Variants in DLG1 observed in about 807,000 individuals in gnomAD.
DLG1 encodes the protein disks large homolog 1.
Under a neutral mutation model 123.4 loss-of-function variants are expected in DLG1, and 42 were observed. That is an observed-to-expected ratio of 0.34 (90% CI 0.27 to 0.44). The LOEUF is 0.44. Among genes scored for constraint, DLG1 ranks in the 20% least tolerant of loss-of-function variants. The probability of loss-of-function intolerance (pLI) is 1.00; values close to 1 mark genes in which losing one functional copy is unlikely to be tolerated. For missense variants in DLG1, 942 were observed against 1,082.6 expected (o/e 0.87, Z 1.82); for synonymous variants, 317 against 356.2 (o/e 0.89, Z 1.24).
chr3:197,062,633 T>C (rs907208932), intron 22 of DLG1, among the ~76,000 whole-genome samples: 1 of 152,192 alleles, frequency 6.6e-6, no homozygotes, highest in Non-Finnish European at 1.5e-5. Context: ...TACAGGCTTA[T>C]CTCACACTTT....
rs75795739 is a variant in DLG1 at position 197,174,610 on chromosome 3, T to C, written c.483+19815A>G. ...AAGCAATTAATTCTTAATATTGATA[T>C]GCATCTTGTTTGTTTTCTTTCTATC... is the stretch of plus-strand genomic sequence containing the variant. On this transcript the variant is annotated intron_variant, in intron 5 of 24. Coordinates refer to ENST00000667157, the MANE Select transcript of DLG1 (RefSeq NM_001366207.1). Among the ~76,000 whole-genome samples the C allele has an allele frequency of 2.0e-3, 310 of 152,342 alleles. 8 individuals are homozygous for C. In the East Asian group the frequency reaches 0.026, roughly 13 times the overall value.
chr3:197,076,115 A>C (rs915545732), intron 18 of DLG1, among the ~76,000 whole-genome samples: 6 of 152,192 alleles, frequency 3.9e-5, no homozygotes, highest in Non-Finnish European at 7.4e-5. Context: ...AAAATTTTAG[A>C]CCATTTCTTG....
chr3:197,055,927 G>C (rs1307914030), intron 23 of DLG1, among the ~76,000 whole-genome samples: 4 of 152,204 alleles, frequency 2.6e-5, no homozygotes, highest in Non-Finnish European at 4.4e-5. Flanking sequence ...TCAGAGCAAA[G>C]ATTCCTGCTA....
chr3:197,067,898 C>T (rs551102572), intron 19 of DLG1, among the ~76,000 whole-genome samples: 98 of 152,206 alleles, frequency 6.4e-4, no homozygotes, highest in African/African-American at 2.3e-3. Context: ...CACATCCCCC[C>T]TCACCCCCAC....
At chr3:197,275,656 C>A (rs1766063209) in intron 4 of DLG1, among the ~76,000 whole-genome samples, 1 of 152,170 alleles carries the variant, frequency 6.6e-6, no homozygotes, top group Non-Finnish European at 1.5e-5. Context: ...AGGCAAATAT[C>A]ACATGTTGTC....
intron 4 of DLG1, among the ~76,000 whole-genome samples, chr3:197,217,597 C>T (rs1734765273): frequency 6.6e-6 from 1 of 151,906 alleles, no homozygotes; most frequent in African/African-American, 2.4e-5. Context: ...GAATAATACT[C>T]AACAATTAAA....
At chr3:197,289,144 G>GA (rs1773557666) in intron 3 of DLG1, among the ~76,000 whole-genome samples, 2 of 151,804 alleles carry the variant, frequency 1.3e-5, no homozygotes, top group African/African-American at 2.4e-5. Flanking sequence ...TCCACTAGAG[G>GA]AAAAAAAACA....
At chr3:197,053,764 C>T (rs1160152997) in intron 23 of DLG1, among the ~76,000 whole-genome samples, 1 of 121,002 alleles carries the variant, frequency 8.3e-6, no homozygotes, top group African/African-American at 3.5e-5. Context: ...ACAGAGTAGA[C>T]CCTGTCTCAT....
At chr3:197,236,166 A>G (rs1745856365) in intron 4 of DLG1, among the ~76,000 whole-genome samples, 1 of 152,066 alleles carries the variant, frequency 6.6e-6, no homozygotes, top group Non-Finnish European at 1.5e-5. Flanking sequence ...GTAAAAAATC[A>G]GCTGGGTGTG....
At chr3:197,054,713 C>T (rs541819098) in intron 23 of DLG1, among the ~76,000 whole-genome samples, 13 of 151,498 alleles carry the variant, frequency 8.6e-5, no homozygotes, top group Non-Finnish European at 1.8e-4. Flanking sequence ...GGTGTGATCT[C>T]GGCTCACTGC....
intron 23 of DLG1, 72 bp downstream of exon 23, chr3:197,059,817 G>T: frequency 1.1e-6 from 1 of 934,378 alleles, no homozygotes; most frequent in Non-Finnish European, 1.7e-6. Context: ...TGAGATGCAG[G>T]GAGAGTAAAT....
intron 4 of DLG1, among the ~76,000 whole-genome samples, chr3:197,265,790 A>G (rs1462586697): frequency 6.6e-6 from 1 of 152,108 alleles, no homozygotes; most frequent in Non-Finnish European, 1.5e-5. Flanking sequence ...GGTGGCTCAC[A>G]CCTGTAATCC....
intron 4 of DLG1, among the ~76,000 whole-genome samples, chr3:197,235,579 G>C (rs991244744): frequency 6.6e-6 from 1 of 152,192 alleles, no homozygotes; most frequent in African/African-American, 2.4e-5. Context: ...TGGCCTTAAA[G>C]AAAAGGCTAC....
chr3:197,198,988 G>C (rs1182045339), intron 4 of DLG1, among the ~76,000 whole-genome samples: 2 of 152,126 alleles, frequency 1.3e-5, no homozygotes, highest in Admixed American at 6.5e-5. Context: ...TTAGTTAGTG[G>C]TGGTAGGTGC....
chr3:197,181,381 G>A (rs538478380), intron 5 of DLG1, among the ~76,000 whole-genome samples: 12 of 152,108 alleles, frequency 7.9e-5, no homozygotes, highest in African/African-American at 1.9e-4. Flanking sequence ...TTTACCAATC[G>A]CAGTACAAAA....
At chr3:197,255,777 A>G (rs1445618986) in intron 4 of DLG1, among the ~76,000 whole-genome samples, 1 of 70,834 alleles carries the variant, frequency 1.4e-5, no homozygotes, top group Non-Finnish European at 2.9e-5. Flanking sequence ...TATGAGTTAA[A>G]AAAAAAAAAA....
chr3:197,193,858 C>T (rs1296390886), intron 5 of DLG1, among the ~76,000 whole-genome samples: 1 of 149,834 alleles, frequency 6.7e-6, no homozygotes, highest in Non-Finnish European at 1.5e-5. Context: ...TTATTGCTGT[C>T]GCCCAGGCTG....
intron 5 of DLG1, among the ~76,000 whole-genome samples, chr3:197,193,080 C>T (rs1345772193): frequency 6.6e-6 from 1 of 151,988 alleles, no homozygotes; most frequent in Non-Finnish European, 1.5e-5. Flanking sequence ...GATATCACTC[C>T]TCAAAGAGAA....
At chr3:197,063,997 T>C (rs1301537049) in intron 22 of DLG1, among the ~76,000 whole-genome samples, 1 of 151,552 alleles carries the variant, frequency 6.6e-6, no homozygotes, top group Non-Finnish European at 1.5e-5. Context: ...GGCATGGTTT[T>C]GGCTCACTGC....
Sources: gnomAD v4.1 joint callset for allele counts (sites outside exome capture counted in the v4.1 genomes callset) on GRCh38, gnomAD v4.1.1 for gene constraint, MANE v1.5 for transcripts, NCBI Gene and HGNC (gene_info 2026-07-23, HGNC 2026-07-21) for gene names.